GUCY1A2: variants seen among roughly 807,000 people sequenced by gnomAD.
GUCY1A2 encodes guanylate cyclase 1 soluble subunit alpha 2.
GUCY1A2 carries 27 observed loss-of-function variants against 63.5 expected under a neutral mutation model. The observed-to-expected ratio is 0.43, with a 90% confidence interval of 0.31 to 0.59. The LOEUF (loss-of-function observed/expected upper bound fraction) is 0.59, where lower values mean the gene tolerates loss of function less well. GUCY1A2 is among the 20% of genes least tolerant of loss of function. The probability of loss-of-function intolerance (pLI) is 0.11; values close to 1 mark genes in which losing one functional copy is unlikely to be tolerated. For synonymous variants in GUCY1A2, 364 were observed against 343.5 expected, an observed-to-expected ratio of 1.06 and a Z score of -0.66; for missense variants, 768 against 913.3, an observed-to-expected ratio of 0.84 and a Z score of 2.05.
intron 1 of GUCY1A2, among the ~76,000 whole-genome samples, chr11:106,999,484 G>A (rs1861585249): frequency 6.6e-6 from 1 of 152,108 alleles, no homozygotes; most frequent in East Asian, 1.9e-4. Flanking sequence ...TTGATGTTAT[G>A]TAACATCTTT....
intron 4 of GUCY1A2, among the ~76,000 whole-genome samples, chr11:106,866,355 C>T (rs965121516): frequency 6.6e-6 from 1 of 151,926 alleles, no homozygotes; most frequent in Non-Finnish European, 1.5e-5. Flanking sequence ...TAATGAGTCA[C>T]AAAACATTTC....
At chr11:106,717,191 T>C (rs1863231621) in intron 6 of GUCY1A2, among the ~76,000 whole-genome samples, 1 of 152,234 alleles carries the variant, frequency 6.6e-6, no homozygotes, top group African/African-American at 2.4e-5. Flanking sequence ...ATACTCTAGC[T>C]GTGTGAATTT....
At chr11:106,819,507 T>C (rs1245001541) in intron 4 of GUCY1A2, among the ~76,000 whole-genome samples, 3 of 152,126 alleles carry the variant, frequency 2.0e-5, no homozygotes, top group African/African-American at 7.2e-5. Context: ...GCCATTTACA[T>C]CAAGGTAAGA....
rs572390123 is a variant in GUCY1A2 at position 106,953,827 on chromosome 11, T to C, written c.488-13649A>G. Among the ~76,000 whole-genome samples, 6 of 152,320 alleles carry C rather than the reference T, an allele frequency of 3.9e-5. No individual in the cohort carries two copies. In the East Asian group the frequency reaches 9.6e-4, roughly 24 times the overall value. ...ATTTGCGTAAAGGTGTTTATAGTAT[T>C]CTCTGATGGTAGTTTGTATTTCTGT... On this transcript the variant is annotated intron_variant, in intron 3 of 7. Coordinates refer to ENST00000526355, the MANE Select transcript of GUCY1A2 (RefSeq NM_000855.3).
At position 106,939,604 on chromosome 11, in the gene GUCY1A2, A is replaced by T. The variant is rs1409355414; in HGVS notation, c.1062T>A (p.Thr354=). The T allele has an allele frequency of 1.9e-6, 3 of 1,613,712 alleles. No individual in the cohort carries two copies. The African/African-American group carries it at 4.0e-5, about 22-fold the overall frequency. ...AGTCCTCAAACTTGAGCACTTTGTG[A>T]GTGTCACATCGAAGCTGCTTCCTTA... ...EGLRKQLRCD[T]HKVLKFEDCF... Residue 354 remains threonine, a synonymous_variant, in exon 4 of 8, where the codon ACT becomes ACA. Transcript: ENST00000526355.
At chr11:106,791,468 T>C (rs1319532825) in intron 5 of GUCY1A2, among the ~76,000 whole-genome samples, 1 of 76,434 alleles carries the variant, frequency 1.3e-5, no homozygotes. Flanking sequence ...CTGGTTCTTA[T>C]GGAGGTATTT....
intron 1 of GUCY1A2, among the ~76,000 whole-genome samples, chr11:107,006,773 A>G (rs1434758559): frequency 6.6e-6 from 1 of 152,248 alleles, no homozygotes; most frequent in Non-Finnish European, 1.5e-5. Context: ...GTTAATACTC[A>G]TAAGGACAAC....
rs559371160 is a variant in GUCY1A2 at position 106,687,161 on chromosome 11, T to C, written c.*388A>G. On this transcript the variant is annotated 3_prime_UTR_variant, in exon 8 of 8. Coordinates refer to ENST00000526355, the MANE Select transcript of GUCY1A2 (RefSeq NM_000855.3). ...ATTCCTCACCCACCAACTCACTAAA[T>C]GTAGGAATATATAATCAAAACTGGC... 78 of 238,992 alleles carry C rather than the reference T, an allele frequency of 3.3e-4. No homozygotes were observed. Among genetic ancestry groups the C allele is most frequent in the African/African-American group, 1.4e-3 (65 of 45,356 alleles). The allele number at this position is 238,992 out of a possible 1,614,324, so 14.8% of individuals were successfully genotyped here.
intron 6 of GUCY1A2, among the ~76,000 whole-genome samples, chr11:106,738,531 C>G (rs926599218): frequency 6.6e-6 from 1 of 151,994 alleles, no homozygotes; most frequent in Non-Finnish European, 1.5e-5. Flanking sequence ...TTAGGTCTTA[C>G]GTTTAAGTCT....
intron 4 of GUCY1A2, among the ~76,000 whole-genome samples, chr11:106,934,857 A>T (rs1041654860): frequency 5.3e-5 from 8 of 152,182 alleles, no homozygotes; most frequent in African/African-American, 1.9e-4. Context: ...ATGTCAAAAG[A>T]ACTCATGTTA....
At chr11:107,008,704 A>G (rs897412084) in intron 1 of GUCY1A2, among the ~76,000 whole-genome samples, 9 of 152,232 alleles carry the variant, frequency 5.9e-5, no homozygotes, top group Non-Finnish European at 1.2e-4. Flanking sequence ...GTACAATACA[A>G]TAAGTCCCAT....
At chr11:106,852,629 T>C (rs1204725980) in intron 4 of GUCY1A2, among the ~76,000 whole-genome samples, 1 of 152,144 alleles carries the variant, frequency 6.6e-6, no homozygotes, top group Non-Finnish European at 1.5e-5. Flanking sequence ...GTTGTGTAGG[T>C]TGAACAATCA....
At chr11:106,759,866 C>T (rs544091375) in intron 6 of GUCY1A2, among the ~76,000 whole-genome samples, 18 of 152,176 alleles carry the variant, frequency 1.2e-4, no homozygotes, top group Non-Finnish European at 2.5e-4. Flanking sequence ...ACCTGGGAGG[C>T]GAAGCTTGCA....
At chr11:106,919,954 T>A (rs965354063) in intron 4 of GUCY1A2, among the ~76,000 whole-genome samples, 2 of 152,094 alleles carry the variant, frequency 1.3e-5, no homozygotes, top group African/African-American at 4.8e-5. Context: ...CAAGAAAACA[T>A]GTTAAAGCAC....
chr11:106,887,330 C>A (rs182516237), intron 4 of GUCY1A2, among the ~76,000 whole-genome samples: 1 of 152,136 alleles, frequency 6.6e-6, no homozygotes, highest in South Asian at 2.1e-4. Flanking sequence ...CAGTAACTGA[C>A]TGATGAGTTA....
chr11:106,937,901 C>T lies in GUCY1A2; in HGVS notation c.1206+1559G>A, dbSNP rs529497053. 8.5e-5 allele frequency among the ~76,000 whole-genome samples: 13 copies of T among 152,206 alleles called. No individual in the cohort carries two copies. The South Asian group carries it at 2.1e-3, about 24-fold the overall frequency. On this transcript the variant is annotated intron_variant, in intron 4 of 7. Coordinates refer to ENST00000526355, the MANE Select transcript of GUCY1A2 (RefSeq NM_000855.3). The stretch of plus-strand genomic sequence containing the variant: ...ATTAATTTCCTAAACCACCTGATTT[C>T]GTCATATTGAATAAATGTGCATCTT...
chr11:106,790,580 C>T (rs899998840), intron 5 of GUCY1A2, among the ~76,000 whole-genome samples: 3 of 152,090 alleles, frequency 2.0e-5, no homozygotes, highest in Non-Finnish European at 4.4e-5. Context: ...CTGTAGCCTC[C>T]ACAACTGAGA....
At chr11:106,927,645 A>G (rs908141761) in intron 4 of GUCY1A2, among the ~76,000 whole-genome samples, 1 of 151,450 alleles carries the variant, frequency 6.6e-6, no homozygotes. Context: ...GCTCACTGCA[A>G]GCTCCACCTT....
chr11:106,708,073 G>C (rs1347829255), intron 7 of GUCY1A2, among the ~76,000 whole-genome samples: 1 of 151,224 alleles, frequency 6.6e-6, no homozygotes, highest in Non-Finnish European at 1.5e-5. Flanking sequence ...TTTTGAGTAA[G>C]GTATAATTTA....
Sources: gnomAD v4.1 joint callset for allele counts (sites outside exome capture counted in the v4.1 genomes callset) on GRCh38, gnomAD v4.1.1 for gene constraint, MANE v1.5 for transcripts, NCBI Gene and HGNC (gene_info 2026-07-23, HGNC 2026-07-21) for gene names.